Variants in IFT81 observed in about 807,000 individuals in gnomAD.
The protein encoded by IFT81 is intraflagellar transport protein 81 homolog.
A neutral mutation model predicts 102.6 loss-of-function variants in IFT81; 72 were observed. That is an observed-to-expected ratio of 0.70 (90% confidence interval 0.58 to 0.85). The LOEUF (loss-of-function observed/expected upper bound fraction) is 0.85, where lower values mean the gene tolerates loss of function less well. Ranked by LOEUF, IFT81 falls within the 40% of genes least tolerant of loss-of-function variation. The pLI, the probability that IFT81 is intolerant of heterozygous loss-of-function variation, is 0.00. For missense variants in IFT81, 723 were observed against 787.3 expected (o/e 0.92, Z 0.98); for synonymous variants, 237 against 242.7 (o/e 0.98, Z 0.22).
intron 14 of IFT81, among the ~76,000 whole-genome samples, chr12:110,200,458 C>T (rs1898209316): frequency 6.6e-6 from 1 of 151,978 alleles, no homozygotes; most frequent in Non-Finnish European, 1.5e-5. Context: ...AAATGGTATG[C>T]TTTATAGGGA....
At chr12:110,173,910 C>T (rs1023099390) in intron 11 of IFT81, among the ~76,000 whole-genome samples, 2 of 151,364 alleles carry the variant, frequency 1.3e-5, no homozygotes, top group Non-Finnish European at 2.9e-5. Flanking sequence ...CCACTATTGT[C>T]CTATGACCCT....
intron 8 of IFT81, 125 bp from the exon 9 acceptor site, chr12:110,143,257 G>A: frequency 2.2e-6 from 1 of 444,576 alleles, no homozygotes; most frequent in Non-Finnish European, 3.5e-6. Context: ...ATTGTACTAT[G>A]CTATATATTA....
At chr12:110,171,264 A>AT (rs201740348) in intron 11 of IFT81, among the ~76,000 whole-genome samples, 5,969 of 144,328 alleles carry the variant, frequency 0.041, 141 homozygotes, top group East Asian at 0.074. Flanking sequence ...GTTTTCATGG[A>AT]TTTTTTTTTT....
At chr12:110,181,992 T>C (rs68087637) in intron 12 of IFT81, among the ~76,000 whole-genome samples, 27,890 of 152,074 alleles carry the variant, frequency 0.18, 4,236 homozygotes, top group African/African-American at 0.42. Context: ...GTTGATTCCA[T>C]CTTGATGCAA....
chr12:110,159,849 T>C (rs1896045401), intron 10 of IFT81, among the ~76,000 whole-genome samples: 1 of 152,194 alleles, frequency 6.6e-6, no homozygotes, highest in South Asian at 2.1e-4. Flanking sequence ...AGGTGGGGGA[T>C]GGGACCTGCT....
At chr12:110,182,463 C>G (rs1897345797) in intron 12 of IFT81, among the ~76,000 whole-genome samples, 1 of 152,192 alleles carries the variant, frequency 6.6e-6, no homozygotes, top group African/African-American at 2.4e-5. Flanking sequence ...GGTGGGATGA[C>G]CCAGTTCCTC....
At chr12:110,188,942 A>AG (rs2137540758) in intron 12 of IFT81, among the ~76,000 whole-genome samples, 1 of 152,050 alleles carries the variant, frequency 6.6e-6, no homozygotes, top group South Asian at 2.1e-4. Flanking sequence ...AAAAAAAAAA[A>AG]GTCTTTCGTC....
At chr12:110,153,692 C>T (rs566470902) in intron 10 of IFT81, among the ~76,000 whole-genome samples, 46 of 150,198 alleles carry the variant, frequency 3.1e-4, no homozygotes, top group Non-Finnish European at 4.0e-4. Context: ...CTCACCGCAA[C>T]CTCCGCCTCT....
In IFT81 at chr12:110,209,521, C is replaced by A. The variant is rs946424053; in HGVS notation, c.1848+305C>A. Among the ~76,000 whole-genome samples the A allele has an allele frequency of 2.6e-5, 4 of 152,158 alleles. No homozygotes were observed. The East Asian group carries it at 7.7e-4, about 29-fold the overall frequency. ...CGGTGGCTCACGCCTGTAATCCCAG[C>A]ACTTTGGAAGGCCAAGGCCAGTGGA... On this transcript the variant is annotated intron_variant, in intron 18 of 18. Transcript: ENST00000242591.
chr12:110,207,539 AC>A (rs1868803459), intron 17 of IFT81, among the ~76,000 whole-genome samples: 1 of 113,630 alleles, frequency 8.8e-6, no homozygotes, highest in African/African-American at 3.3e-5. Context: ...GTGTTCCTTT[AC>A]CCCTCGTCCT....
chr12:110,140,264 C>G (rs901042708), intron 8 of IFT81, among the ~76,000 whole-genome samples: 1 of 152,124 alleles, frequency 6.6e-6, no homozygotes, highest in Non-Finnish European at 1.5e-5. Flanking sequence ...AATGCTCTTC[C>G]CCTTTCCTCC....
rs1018245458 is a variant in IFT81 at position 110,218,324 on chromosome 12, T to C, written c.*98T>C. 3.4e-6 allele frequency: 3 copies of C among 883,446 alleles called. No individual in the cohort carries two copies. The highest frequency in any genetic ancestry group is 4.8e-4 in the Middle Eastern group (2 of 4,172). The allele number at this position is 883,446 out of a possible 1,614,324, so 54.7% of individuals were successfully genotyped here. A position where few individuals can be genotyped will look rare whatever the true frequency, so the allele number is the denominator to read the frequency against. ...TTTGAAACTGATTTGTATAGCATTT[T>C]GTTTTCAGAAGAGCCATTCTTTATT... On this transcript the variant is annotated 3_prime_UTR_variant, in exon 19 of 19. Coordinates refer to ENST00000242591, the MANE Select transcript of IFT81 (RefSeq NM_014055.4).
At chr12:110,154,326 CAAA>C (rs781002575) in intron 10 of IFT81, among the ~76,000 whole-genome samples, 1 of 132,358 alleles carries the variant, frequency 7.6e-6, no homozygotes, top group African/African-American at 2.8e-5. Flanking sequence ...GACACTATCT[CAAA>C]AAAAAAAAAA....
intron 17 of IFT81, among the ~76,000 whole-genome samples, chr12:110,206,467 C>T (rs1868637515): frequency 6.6e-6 from 1 of 152,036 alleles, no homozygotes; most frequent in Non-Finnish European, 1.5e-5. Context: ...ATGTAGCACT[C>T]ACGTTTATTC....
intron 3 of IFT81, 53 bp downstream of exon 3, chr12:110,128,202 C>A: frequency 2.8e-6 from 3 of 1,053,908 alleles, no homozygotes; most frequent in Non-Finnish European, 4.4e-6. Context: ...AATATCCAAA[C>A]CTTCATATAC....
rs147527690 is a variant in IFT81, at chr12:110,205,247, G to C, written c.1645-196G>C. On this transcript the variant is annotated intron_variant, in intron 15 of 18. Transcript: ENST00000242591. The stretch of plus-strand genomic sequence containing the variant: ...AGACTCTGTCTCAAAAAATACAATT[G>C]AACTTGCAGGTTATAGAGTGATATG... 7.9e-3 allele frequency: 3,485 copies of C among 439,868 alleles called. 11 individuals are homozygous for C. The highest frequency in any genetic ancestry group is 9.5e-3 in the Non-Finnish European group (2,477 of 260,022). 27.2% of individuals were successfully genotyped at this position (439,868 alleles called of 1,614,324 possible). A position where few individuals can be genotyped will look rare whatever the true frequency, so the allele number is the denominator to read the frequency against.
chr12:110,191,058 C>T lies in IFT81; in HGVS notation c.1467+10C>T. Reference sequence around the variant, plus strand: ...TGATATGTCTGAAATGGTGATGATACTTTTATTTAAATTTTCTTTTATTGT... The same window carrying T: ...TGATATGTCTGAAATGGTGATGATATTTTTATTTAAATTTTCTTTTATTGT... On this transcript the variant is annotated intron_variant, in intron 13 of 18. Transcript: ENST00000242591. 1 of 1,585,432 alleles carries T rather than the reference C, an allele frequency of 6.3e-7. No individual in the cohort carries two copies. Among genetic ancestry groups the T allele is most frequent in the Non-Finnish European group, 8.5e-7 (1 of 1,170,484 alleles).
chr12:110,203,546 C>T (rs1455858210), intron 14 of IFT81: 14 of 247,560 alleles, frequency 5.7e-5, no homozygotes, highest in Non-Finnish European at 1.1e-4. Flanking sequence ...TTGTGTTTTC[C>T]TATCATAGCT....
At chr12:110,205,940 G>C (rs1194119703) in intron 17 of IFT81, among the ~76,000 whole-genome samples, 2 of 152,116 alleles carry the variant, frequency 1.3e-5, no homozygotes, top group African/African-American at 2.4e-5. Context: ...TAAGTGTACA[G>C]TTCATTGGCA....
Sources: allele counts gnomAD v4.1 joint callset (sites outside exome capture counted in the v4.1 genomes callset), GRCh38; gene constraint gnomAD v4.1.1; transcripts MANE v1.5; gene names NCBI Gene and HGNC (gene_info 2026-07-23, HGNC 2026-07-21).